The following SRCIN1 variants were observed in gnomAD, a reference collection of about 807,000 sequenced individuals.
SRCIN1 encodes the protein SRC kinase signaling inhibitor 1, also known as P130Cas-associated protein.
A neutral mutation model predicts 116.2 loss-of-function variants in SRCIN1; 50 were observed. The observed-to-expected ratio is 0.43, with a 90% CI of 0.34 to 0.54. The LOEUF (loss-of-function observed/expected upper bound fraction) is 0.54, where lower values mean the gene tolerates loss of function less well. Among genes scored for constraint, SRCIN1 ranks in the 20% least tolerant of loss-of-function variants. The pLI is 0.02. For missense variants in SRCIN1, 1,446 were observed against 1,672.0 expected (o/e 0.86, Z 2.36); for synonymous variants, 736 against 750.0 (o/e 0.98, Z 0.30).
At chr17:38,571,947 G>GT (rs1160431345) in intron 2 of SRCIN1, among the ~76,000 whole-genome samples, 1 of 152,166 alleles carries the variant, frequency 6.6e-6, no homozygotes, top group Non-Finnish European at 1.5e-5. Context: ...CCTGCTGCTG[G>GT]TTTTCCCCCC....
At chr17:38,583,163 C>T (rs1907914948) in intron 1 of SRCIN1, among the ~76,000 whole-genome samples, 1 of 152,074 alleles carries the variant, frequency 6.6e-6, no homozygotes, top group Non-Finnish European at 1.5e-5. Context: ...TCAACCTGGG[C>T]TCAAGCTAGC....
chr17:38,564,236 G>T lies in SRCIN1; in HGVS notation c.423C>A (p.Ala141=), dbSNP rs369729434. ...CCTCCGACATGGTCTCCAGCGACTC[G>T]GCGGAGGCGTAGGACAGCTTTGCCG... ...DQAAKLSYAS[A]ESLETMSEAE... Residue 141 remains alanine (A), a synonymous_variant, in exon 4 of 19, where the codon GCC becomes GCA. Transcript: ENST00000617146. 66 of 1,579,258 alleles carry T rather than the reference G, an allele frequency of 4.2e-5. No individual in the cohort carries two copies. In the African/African-American group the frequency reaches 7.7e-4, roughly 18 times the overall value.
At chr17:38,605,173 C>G (rs900717373) in intron 1 of SRCIN1, among the ~76,000 whole-genome samples, 4 of 151,948 alleles carry the variant, frequency 2.6e-5, no homozygotes, top group African/African-American at 7.3e-5. Context: ...GGGCCCACCA[C>G]CACCATCCTA....
At chr17:38,590,229 C>T (rs557373348) in intron 1 of SRCIN1, among the ~76,000 whole-genome samples, 3 of 152,324 alleles carry the variant, frequency 2.0e-5, no homozygotes, top group African/African-American at 7.2e-5. Flanking sequence ...ATGGACCAGC[C>T]ATGAAATGAT....
chr17:38,550,552 C>T (rs1319542999), intron 15 of SRCIN1, among the ~76,000 whole-genome samples: 3 of 152,054 alleles, frequency 2.0e-5, no homozygotes, highest in Non-Finnish European at 4.4e-5. Context: ...ACAGTAAAAG[C>T]AATGGAACAG....
chr17:38,537,364 T>C (rs1904451545), intron 18 of SRCIN1, among the ~76,000 whole-genome samples: 1 of 151,378 alleles, frequency 6.6e-6, no homozygotes, highest in Non-Finnish European at 1.5e-5. Flanking sequence ...TAGTGAGGCT[T>C]GATGGCGCCA....
chr17:38,533,469 A>G (rs2040954180), intron 18 of SRCIN1, 38 bp from the exon 19 acceptor site: 3 of 1,595,350 alleles, frequency 1.9e-6, no homozygotes, highest in East Asian at 4.5e-5. Flanking sequence ...AGAGAGCGGA[A>G]GGGAGCGCCT....
chr17:38,547,985 G>A, intron 17 of SRCIN1: 1 of 194,640 alleles, frequency 5.1e-6, no homozygotes, highest in Non-Finnish European at 1.1e-5. Flanking sequence ...GCCTGGGATG[G>A]CATCGGCCCC....
intron 17 of SRCIN1, among the ~76,000 whole-genome samples, chr17:38,545,813 G>T (rs916630135): frequency 6.6e-6 from 1 of 152,232 alleles, no homozygotes; most frequent in African/African-American, 2.4e-5. Flanking sequence ...GGGGCCGGTG[G>T]AGGATGAAGT....
In SRCIN1 at chr17:38,558,211, G is replaced by A. The variant is rs1905931373; in HGVS notation, c.2201+16C>T. 1.2e-6 allele frequency: 2 copies of A among 1,602,226 alleles called. No individual in the cohort carries two copies. Among genetic ancestry groups the A allele is most frequent in the East Asian group, 2.2e-5 (1 of 44,498 alleles). ...CCGCACCCCCACCCCTCCCTCCGCC[G>A]CGGGCCCAGCCTCACTTGAGCTGCT... On this transcript the variant is annotated intron_variant, in intron 11 of 18. Coordinates refer to ENST00000617146, the MANE Select transcript of SRCIN1 (RefSeq NM_025248.3). This position sits in a 1 kb window ranked among gnomAD's most constrained non-coding sequence, Gnocchi z 4.6.
intron 2 of SRCIN1, among the ~76,000 whole-genome samples, chr17:38,569,022 G>A (rs935045369): frequency 8.5e-5 from 13 of 152,138 alleles, no homozygotes; most frequent in Admixed American, 2.6e-4. Context: ...GAGTGGCCAG[G>A]TGCCAGGAAC....
intron 17 of SRCIN1, chr17:38,545,284 G>A (rs903240082): frequency 6.5e-6 from 1 of 152,818 alleles, no homozygotes; most frequent in Non-Finnish European, 1.5e-5. Flanking sequence ...TACCCCTGGT[G>A]GGGACTGTGG....
chr17:38,574,736 T>A, intron 2 of SRCIN1: 1 of 397,732 alleles, frequency 2.5e-6, no homozygotes, highest in Non-Finnish European at 4.4e-6. Context: ...AGAAGTCTCC[T>A]GAAAATAGGG....
chr17:38,539,142 G>A lies in SRCIN1; in HGVS notation c.3417+4681C>T, dbSNP rs997163993. On this transcript the variant is annotated intron_variant, in intron 18 of 18. Coordinates refer to ENST00000617146, the MANE Select transcript of SRCIN1 (RefSeq NM_025248.3). ...TTTACTGAGTGCCTACGTATGCCAAGCACTATTCTAGGTGCTGTGGGGATG... is the reference window on the plus strand; with the variant it reads ...TTTACTGAGTGCCTACGTATGCCAAACACTATTCTAGGTGCTGTGGGGATG... 2.0e-4 allele frequency among the ~76,000 whole-genome samples: 30 copies of A among 152,196 alleles called. 1 individual carries two copies. The highest frequency in any genetic ancestry group is 1.6e-3 in the Admixed American group (24 of 15,284).
chr17:38,530,462 C>T lies in SRCIN1; in HGVS notation c.*2835G>A. ...ACGTCTTAGTTTTCTCTTGGTCAAG[C>T]ACACACTGATGGACAGAGCAGCGAG... is the stretch of plus-strand genomic sequence containing the variant. On this transcript the variant is annotated 3_prime_UTR_variant, in exon 19 of 19. Coordinates refer to ENST00000617146, the MANE Select transcript of SRCIN1 (RefSeq NM_025248.3). 1 of 153,236 alleles carries T rather than the reference C, an allele frequency of 6.5e-6. No individual in the cohort carries two copies. Among genetic ancestry groups the T allele is most frequent in the Non-Finnish European group, 1.5e-5 (1 of 68,784 alleles). 9.5% of individuals were successfully genotyped at this position (153,236 alleles called of 1,614,324 possible). A position where few individuals can be genotyped will look rare whatever the true frequency, so the allele number is the denominator to read the frequency against.
intron 18 of SRCIN1, among the ~76,000 whole-genome samples, chr17:38,534,277 G>T (rs1442534939): frequency 6.6e-6 from 1 of 152,124 alleles, no homozygotes; most frequent in Non-Finnish European, 1.5e-5. Context: ...TCACCTCCAG[G>T]GGCCACCCTC....
chr17:38,540,329 G>A (rs377001132), intron 18 of SRCIN1, among the ~76,000 whole-genome samples: 107 of 152,236 alleles, frequency 7.0e-4, no homozygotes, highest in African/African-American at 2.3e-3. Context: ...AGCACTTCTA[G>A]TCCCCTCCAT....
chr17:38,562,740 TG>T lies in SRCIN1; in HGVS notation c.834+86del. The T allele has an allele frequency of 1.6e-6, 2 of 1,212,206 alleles. No homozygotes were observed. Among genetic ancestry groups the T allele is most frequent in the Non-Finnish European group, 2.4e-6 (2 of 847,046 alleles). The allele number at this position is 1,212,206 out of a possible 1,614,324, so 75.1% of individuals were successfully genotyped here. A position where few individuals can be genotyped will look rare whatever the true frequency, so the allele number is the denominator to read the frequency against. The stretch of plus-strand genomic sequence containing the variant: ...ATGCTGTCTTCTCCAAAGCTGGCCC[TG>T]GTTCCAGATGACAACTGCCCAGACC... On this transcript the variant is annotated intron_variant, in intron 6 of 18. Coordinates refer to ENST00000617146, the MANE Select transcript of SRCIN1 (RefSeq NM_025248.3). The surrounding 1 kb of genome is among the most constrained non-coding windows in gnomAD (Gnocchi z 4.2).
At chr17:38,538,565 G>A (rs1487880078) in intron 18 of SRCIN1, among the ~76,000 whole-genome samples, 1 of 152,068 alleles carries the variant, frequency 6.6e-6, no homozygotes, top group African/African-American at 2.4e-5. Context: ...TTGGTTACAG[G>A]ATACCTTTCC....
Sources: allele counts gnomAD v4.1 joint callset (sites outside exome capture counted in the v4.1 genomes callset), GRCh38; gene constraint gnomAD v4.1.1; non-coding constraint Gnocchi (gnomAD v3.1); transcripts MANE v1.5; gene names NCBI Gene and HGNC (gene_info 2026-07-23, HGNC 2026-07-21).